The following TTLL1 variants were observed in gnomAD, a reference collection of about 807,000 sequenced individuals.
TTLL1 encodes the protein TTL family tubulin polyglutamylase complex subunit L1.
TTLL1 carries 33 observed loss-of-function variants against 47.8 expected under a neutral mutation model. The ratio of observed to expected loss-of-function variants is 0.69; its 90% confidence interval spans 0.52 to 0.92. The LOEUF is 0.92. TTLL1 is among the 40% of genes least tolerant of loss of function. The pLI is 0.00. For missense variants in TTLL1, 488 were observed against 547.5 expected (o/e 0.89, Z 1.08); for synonymous variants, 225 against 214.1 (o/e 1.05, Z -0.45).
At chr22:43,070,269 T>C (rs1384488557) in intron 3 of TTLL1, 1 of 1,202,460 alleles carries the variant, frequency 8.3e-7, no homozygotes, top group South Asian at 1.3e-5. Flanking sequence ...ACAGGGGTTA[T>C]TTAAGGGCCC....
chr22:43,088,765 C>T (rs1929419012), intron 1 of TTLL1, among the ~76,000 whole-genome samples: 1 of 152,166 alleles, frequency 6.6e-6, no homozygotes, highest in African/African-American at 2.4e-5. Flanking sequence ...CTTTCACTTC[C>T]AGAATTAATC....
intron 10 of TTLL1, 48 bp from the exon 11 acceptor site, chr22:43,039,953 A>G: frequency 6.3e-7 from 1 of 1,593,480 alleles, no homozygotes; most frequent in Non-Finnish European, 8.6e-7. Context: ...TTTCAAAGGC[A>G]ACAGGCAGGG....
chr22:43,085,883 T>TGGGCTGGCTCAGGAGC (rs1226921388), intron 1 of TTLL1, among the ~76,000 whole-genome samples: 1 of 151,940 alleles, frequency 6.6e-6, no homozygotes, highest in African/African-American at 2.4e-5. Flanking sequence ...GGCAGCAGAG[T>TGGGCTGGCTCAGGAGC]GGGCTGGCTC....
At position 43,063,764 on chromosome 22, in the gene TTLL1, C is replaced by G. The variant is rs1180362286; in HGVS notation, c.747+49G>C. The G allele has an allele frequency of 3.8e-6, 6 of 1,575,658 alleles. No individual in the cohort carries two copies. The Admixed American group carries it at 8.4e-5, about 22-fold the overall frequency. On this transcript the variant is annotated intron_variant, in intron 7 of 10. Transcript: ENST00000266254. ...TACAGGCGTGAGCCACCACACCCGG[C>G]CTGAAAGTCAGTCCATTTCTGTAAG...
chr22:43,076,442 C>A (rs574376539), intron 2 of TTLL1, among the ~76,000 whole-genome samples: 1 of 151,900 alleles, frequency 6.6e-6, no homozygotes, highest in Admixed American at 6.6e-5. Flanking sequence ...GGCGACAGAG[C>A]GAGACTCCAT....
intron 8 of TTLL1, among the ~76,000 whole-genome samples, chr22:43,055,989 CCTGCCT>C (rs1205850007): frequency 6.6e-6 from 1 of 152,026 alleles, no homozygotes; most frequent in African/African-American, 2.4e-5. Context: ...AAGCTATCCT[CCTGCCT>C]CTGCCTCCCT....
chr22:43,068,647 C>G, intron 4 of TTLL1, 57 bp from the exon 5 acceptor site: 1 of 1,364,790 alleles, frequency 7.3e-7, no homozygotes, highest in South Asian at 2.2e-5. Context: ...TGGCCATGAA[C>G]AGAAAGATCT....
intron 8 of TTLL1, among the ~76,000 whole-genome samples, chr22:43,058,763 C>T (rs1260046797): frequency 2.0e-5 from 3 of 152,012 alleles, no homozygotes; most frequent in Admixed American, 6.6e-5. Context: ...GGCGCGATCG[C>T]GGCTCACTGC....
intron 9 of TTLL1, among the ~76,000 whole-genome samples, chr22:43,048,133 T>G (rs145799184): frequency 6.6e-6 from 1 of 151,830 alleles, no homozygotes; most frequent in East Asian, 1.9e-4. Flanking sequence ...TTGGCCAACA[T>G]GGTGAAACCC....
At chr22:43,043,600 C>G (rs1192217656) in intron 10 of TTLL1, among the ~76,000 whole-genome samples, 1 of 152,108 alleles carries the variant, frequency 6.6e-6, no homozygotes, top group African/African-American at 2.4e-5. Context: ...CTCCGGAACT[C>G]TCTGCCCATC....
At chr22:43,079,544 C>G (rs184440610) in intron 2 of TTLL1, among the ~76,000 whole-genome samples, 1 of 152,232 alleles carries the variant, frequency 6.6e-6, no homozygotes, top group South Asian at 2.1e-4. Flanking sequence ...CTGGGGACCA[C>G]CCCCCAACCA....
chr22:43,059,953 G>A (rs1303624783), intron 7 of TTLL1, among the ~76,000 whole-genome samples: 1 of 152,264 alleles, frequency 6.6e-6, no homozygotes, highest in South Asian at 2.1e-4. Flanking sequence ...GCCTCCCAAA[G>A]TGTTGGGATT....
intron 10 of TTLL1, among the ~76,000 whole-genome samples, chr22:43,043,256 G>A (rs17003459): frequency 0.31 from 47,159 of 151,794 alleles, 7,597 homozygotes; most frequent in Middle Eastern, 0.43. Flanking sequence ...TCTGCTTCTT[G>A]GCCGGGAAAT....
At chr22:43,061,058 C>T (rs1185030195) in intron 7 of TTLL1, among the ~76,000 whole-genome samples, 2 of 152,012 alleles carry the variant, frequency 1.3e-5, no homozygotes, top group Non-Finnish European at 2.9e-5. Flanking sequence ...GGTGTGGTGG[C>T]GTGCACCTGT....
Position 43,068,530 on chromosome 22 carries a change from C to T in TTLL1, c.383G>A (p.Arg128Gln), listed in dbSNP as rs1382948115. ...GATCCAGGTGCTGGACGGGCTCTTC[C>T]GGAACTCCTCTACAAACAGGTTGTA... ...ADYNLFVEEF[R>Q]KSPSSTWIMK... The change falls in exon 5 of 11, where the codon CGG becomes CAG. Residue 128 changes from arginine to glutamine, a missense_variant. Coordinates refer to ENST00000266254, the MANE Select transcript of TTLL1 (RefSeq NM_012263.5). 2.6e-6 allele frequency: 4 copies of T among 1,567,026 alleles called. No homozygotes were observed. Among genetic ancestry groups the T allele is most frequent in the Non-Finnish European group, 3.5e-6 (4 of 1,146,298 alleles).
intron 1 of TTLL1, among the ~76,000 whole-genome samples, chr22:43,086,950 C>T (rs1204484234): frequency 2.0e-5 from 3 of 152,206 alleles, no homozygotes; most frequent in Admixed American, 1.3e-4. Context: ...CCATGGCCTA[C>T]GAGGCCAGCC....
At chr22:43,084,398 C>T (rs1929092732) in intron 1 of TTLL1, among the ~76,000 whole-genome samples, 2 of 152,150 alleles carry the variant, frequency 1.3e-5, no homozygotes, top group African/African-American at 4.8e-5. Flanking sequence ...GATCCATCCA[C>T]CTCAGCCTGC....
rs566563515 is a variant in TTLL1, at chr22:43,050,406, A to G, written c.978+1395T>C. On this transcript the variant is annotated intron_variant, in intron 9 of 10. Coordinates refer to ENST00000266254, the MANE Select transcript of TTLL1 (RefSeq NM_012263.5). ...ACTCCAGCCTCAGTGACAGAGCAAG[A>G]CTCTGTCTCAAAAACAAAAAAAAAA... Among the ~76,000 whole-genome samples, 429 of 150,096 alleles carry G rather than the reference A, an allele frequency of 2.9e-3. 4 individuals are homozygous for G. Among genetic ancestry groups the G allele is most frequent in the African/African-American group, 0.01 (411 of 40,600 alleles).
intron 5 of TTLL1, among the ~76,000 whole-genome samples, chr22:43,065,644 G>A (rs1927681383): frequency 6.6e-6 from 1 of 151,848 alleles, no homozygotes; most frequent in African/African-American, 2.4e-5. Context: ...GTGCAGTGGT[G>A]CGATCACAGC....
Sources: gnomAD v4.1 joint callset for allele counts (sites outside exome capture counted in the v4.1 genomes callset) on GRCh38, gnomAD v4.1.1 for gene constraint, MANE v1.5 for transcripts, NCBI Gene and HGNC (gene_info 2026-07-23, HGNC 2026-07-21) for gene names.